Variants in TELO2 observed in about 807,000 individuals in gnomAD.
The protein encoded by TELO2 is telomere length regulation protein TEL2 homolog.
In TELO2, 71 loss-of-function variants were observed where a neutral mutation model predicts 91.0. The ratio of observed to expected loss-of-function variants is 0.78; its 90% CI spans 0.64 to 0.95. TELO2 has a LOEUF of 0.95. TELO2 is among the 40% of genes least tolerant of loss of function. TELO2 has a pLI of 0.00. For missense variants in TELO2, 1,183 were observed against 1,141.3 expected, an observed-to-expected ratio of 1.04 and a Z score of -0.53; for synonymous variants, 584 against 518.9, an observed-to-expected ratio of 1.13 and a Z score of -1.71.
chr16:1,503,363 C>T (rs537683364), intron 15 of TELO2, among the ~76,000 whole-genome samples: 4 of 152,066 alleles, frequency 2.6e-5, no homozygotes, highest in East Asian at 1.9e-4. Flanking sequence ...CCCAGGAGTT[C>T]GAGACCCGCT....
At position 1,495,332 on chromosome 16, in the gene TELO2, G is replaced by A. The variant is rs773174073; in HGVS notation, c.336-14G>A. 2.0e-5 allele frequency: 31 copies of A among 1,531,622 alleles called. No individual in the cohort carries two copies. Among genetic ancestry groups the A allele is most frequent in the African/African-American group, 2.7e-5 (2 of 72,924 alleles). The allele number at this position is 1,531,622 out of a possible 1,614,324, so 94.9% of individuals were successfully genotyped here. On this transcript the variant is annotated splice_polypyrimidine_tract_variant and intron_variant, in intron 2 of 20. Coordinates refer to ENST00000262319, the MANE Select transcript of TELO2 (RefSeq NM_016111.4). Reference sequence around the variant, plus strand: ...GGGGGTTGGCGGCTCTGCCCAACACGCCCGTATCTTCAGCCCCAGCTTCCG... The same window carrying A: ...GGGGGTTGGCGGCTCTGCCCAACACACCCGTATCTTCAGCCCCAGCTTCCG...
intron 15 of TELO2, among the ~76,000 whole-genome samples, chr16:1,504,272 A>C (rs2039805315): frequency 6.6e-6 from 1 of 151,552 alleles, no homozygotes; most frequent in Non-Finnish European, 1.5e-5. Flanking sequence ...GTTTCTACTA[A>C]AAACACAAAA....
At position 1,507,714 on chromosome 16, in the gene TELO2, C is replaced by T. The variant is rs765620817; in HGVS notation, c.2405C>T (p.Ala802Val). The T allele has an allele frequency of 6.2e-6, 10 of 1,601,126 alleles. No homozygotes were observed. Among genetic ancestry groups the T allele is most frequent in the African/African-American group, 1.3e-5 (1 of 74,878 alleles). ...DELLEARSWL[A>V]DVAEKDPDED... ...CTGCTGGAAGCCCGGTCCTGGCTGG[C>T]GGGTGAGTGTCGGCCTGCGGTGTGT... The change falls in exon 20 of 21, where the codon GCG becomes GTG. Residue 802 changes from alanine (A) to valine (V), a missense_variant and splice_region_variant. Physicochemically the swap from Ala to Val is moderately conservative, Grantham distance 64. Coordinates refer to ENST00000262319, the MANE Select transcript of TELO2 (RefSeq NM_016111.4).
Position 1,494,744 on chromosome 16 carries a change from A to G in TELO2, c.335+128A>G. ...AGAGAGAGAGCCTGCTCCTGGCTGA[A>G]CCCCTGAACAGAAGAAGCGGTCTGT... On this transcript the variant is annotated intron_variant, in intron 2 of 20. Coordinates refer to ENST00000262319, the MANE Select transcript of TELO2 (RefSeq NM_016111.4). The surrounding 1 kb of genome is among the most constrained non-coding windows in gnomAD (Gnocchi z 5.6). 9.7e-7 allele frequency: 1 copy of G among 1,033,262 alleles called. No homozygotes were observed. The highest frequency in any genetic ancestry group is 1.4e-6 in the Non-Finnish European group (1 of 730,944). The allele number at this position is 1,033,262 out of a possible 1,614,324, so 64.0% of individuals were successfully genotyped here. A position where few individuals can be genotyped will look rare whatever the true frequency, so the allele number is the denominator to read the frequency against.
At chr16:1,500,074 C>T (rs2039620790) in intron 6 of TELO2, 22 bp from the exon 7 acceptor site, 1 of 1,603,698 alleles carries the variant, frequency 6.2e-7, no homozygotes. Context: ...GCCCAGTGGA[C>T]AGGCATGTGC....
chr16:1,495,381 T>C lies in TELO2; in HGVS notation c.371T>C (p.Leu124Pro). 3 of 1,568,200 alleles carry C rather than the reference T, an allele frequency of 1.9e-6. No individual in the cohort carries two copies. Among genetic ancestry groups the C allele is most frequent in the Non-Finnish European group, 1.7e-6 (2 of 1,157,210 alleles). The change falls in exon 3 of 21, where the codon CTG becomes CCG. Residue 124 changes from leucine (L) to proline (P), a missense_variant. Leu to Pro is a moderately conservative substitution (Grantham distance 98). Transcript: ENST00000262319. The stretch of plus-strand genomic sequence containing the variant: ...CGGCTGATGAAGATGGCGCGGCTGC[T>C]GGCCAGATTCCTGCGCGAGGGCCGG... Reference protein sequence around the residue: ...SFRLMKMARLLARFLREGRLA... With the variant: ...SFRLMKMARLPARFLREGRLA...
In TELO2 at chr16:1,502,691, C is replaced by T. The variant is rs765939101; in HGVS notation, c.1700C>T (p.Thr567Ile). 1.8e-5 allele frequency: 29 copies of T among 1,612,832 alleles called. No homozygotes were observed. The East Asian group carries it at 6.0e-4, about 33-fold the overall frequency. Residue 567 changes from threonine to isoleucine, a missense_variant, in exon 14 of 21, where the codon ACC becomes ATC. Physicochemically the swap from Thr to Ile is moderately conservative, Grantham distance 89 (BLOSUM62 -1). Coordinates refer to ENST00000262319, the MANE Select transcript of TELO2 (RefSeq NM_016111.4). ...AKVLLHLEEK[T>I]CVVGFAGLRQ... ...GTGCTTCTGCATCTGGAGGAGAAGA[C>T]CTGTGTGGTGGGATTTGCAGGGCTG... is the stretch of plus-strand genomic sequence containing the variant.
At chr16:1,495,644 C>A (rs767796137) in intron 3 of TELO2, 21 bp downstream of exon 3, 2 of 1,562,602 alleles carry the variant, frequency 1.3e-6, no homozygotes, top group Middle Eastern at 1.9e-4. Context: ...GCCTCGGGGA[C>A]CCCCTTTGCC....
rs775091661 is a variant in TELO2 at position 1,495,452 on chromosome 16, G to A, written c.442G>A (p.Gly148Ser). The part of the protein sequence containing the change: ...EAQCRQQTQP[G>S]FILLRETLLG... ...GCAGTGTCGGCAGCAGACGCAGCCC[G>A]GCTTCATCCTGCTCCGGGAGACGCT... The change falls in exon 3 of 21, where the codon GGC becomes AGC. Residue 148 changes from glycine to serine, a missense_variant. Transcript: ENST00000262319. 5.0e-6 allele frequency: 8 copies of A among 1,607,616 alleles called. No homozygotes were observed. Among genetic ancestry groups the A allele is most frequent in the East Asian group, 2.2e-5 (1 of 44,606 alleles).
At chr16:1,498,430 G>A (rs1311793546) in intron 5 of TELO2, among the ~76,000 whole-genome samples, 1 of 152,014 alleles carries the variant, frequency 6.6e-6, no homozygotes, top group Non-Finnish European at 1.5e-5. Flanking sequence ...TTGTTTTGGT[G>A]TTGTTGTTGG....
rs199557070 is a variant in TELO2, at chr16:1,502,666, G to A, written c.1675G>A (p.Val559Met). The A allele has an allele frequency of 1.2e-5, 20 of 1,612,180 alleles. No individual in the cohort carries two copies. Among genetic ancestry groups the A allele is most frequent in the Non-Finnish European group, 1.6e-5 (19 of 1,179,872 alleles). The stretch of plus-strand genomic sequence containing the variant: ...GCAGGTGAGCGTGGAGCTGGCCAAG[G>A]TGCTTCTGCATCTGGAGGAGAAGAC... ...TREVSVELAK[V>M]LLHLEEKTCV... Residue 559 changes from valine to methionine, a missense_variant, in exon 14 of 21, where the codon GTG becomes ATG. Val to Met is a conservative substitution (Grantham distance 21). Transcript: ENST00000262319.
chr16:1,504,548 GGTC>G (rs200713957), intron 15 of TELO2, among the ~76,000 whole-genome samples: 1 of 145,606 alleles, frequency 6.9e-6, no homozygotes, highest in African/African-American at 2.6e-5. Flanking sequence ...CACCGTAACT[GGTC>G]TTTTTTTTTT....
rs1411939002 is a variant in TELO2, at chr16:1,494,178, C to G, written c.-36-68C>G. The stretch of plus-strand genomic sequence containing the variant: ...GGGTGTGGGGTCTCGGGGCGCTCAC[C>G]GAGGGGCTTCCTGAGCTTGTGTGGA... On this transcript the variant is annotated intron_variant, in intron 1 of 20. Coordinates refer to ENST00000262319, the MANE Select transcript of TELO2 (RefSeq NM_016111.4). This position sits in a 1 kb window ranked among gnomAD's most constrained non-coding sequence, Gnocchi z 5.6. The G allele has an allele frequency of 2.1e-5, 24 of 1,161,578 alleles. No homozygotes were observed. The highest frequency in any genetic ancestry group is 2.8e-5 in the Non-Finnish European group (23 of 822,648). The allele number at this position is 1,161,578 out of a possible 1,614,324, so 72.0% of individuals were successfully genotyped here. A position where few individuals can be genotyped will look rare whatever the true frequency, so the allele number is the denominator to read the frequency against.
In TELO2 at chr16:1,504,588, C is replaced by T. The variant is rs192055565; in HGVS notation, c.1843-822C>T. 6.2e-3 allele frequency among the ~76,000 whole-genome samples: 663 copies of T among 106,860 alleles called. 14 individuals carry two copies. The highest frequency in any genetic ancestry group is 0.023 in the African/African-American group (621 of 26,574). 70.1% of individuals were successfully genotyped at this position (106,860 alleles called of 152,430 possible). On this transcript the variant is annotated intron_variant, in intron 15 of 20. Coordinates refer to ENST00000262319, the MANE Select transcript of TELO2 (RefSeq NM_016111.4). Reference sequence around the variant, plus strand: ...TTTTTTTTTTTTTGAGACAGAGTCTCGCTCTGTCGCCCAGGCTGGAGTGCA... The same window carrying T: ...TTTTTTTTTTTTTGAGACAGAGTCTTGCTCTGTCGCCCAGGCTGGAGTGCA...
chr16:1,497,198 C>T lies in TELO2; in HGVS notation c.682+94C>T, dbSNP rs924939949. Reference sequence around the variant, plus strand: ...GCCGAGAATCCCTCCTGACCCTGGCCCTCTGCAGGGTCCCCTTGCCCGGTC... The same window carrying T: ...GCCGAGAATCCCTCCTGACCCTGGCTCTCTGCAGGGTCCCCTTGCCCGGTC... On this transcript the variant is annotated intron_variant, in intron 4 of 20. Coordinates refer to ENST00000262319, the MANE Select transcript of TELO2 (RefSeq NM_016111.4). The surrounding 1 kb of genome is among the most constrained non-coding windows in gnomAD (Gnocchi z 4.0). 1.3e-6 allele frequency: 2 copies of T among 1,546,166 alleles called. No individual in the cohort carries two copies. Among genetic ancestry groups the T allele is most frequent in the South Asian group, 1.2e-5 (1 of 86,254 alleles).
rs1162830111 is a variant in TELO2, at chr16:1,497,645, GGTGCCCTCTCA to G, written c.830+140_830+150del. 4.6e-5 allele frequency: 57 copies of G among 1,249,546 alleles called. No homozygotes were observed. The highest frequency in any genetic ancestry group is 5.4e-5 in the Non-Finnish European group (50 of 931,236). The allele number at this position is 1,249,546 out of a possible 1,614,324, so 77.4% of individuals were successfully genotyped here. On this transcript the variant is annotated intron_variant, in intron 5 of 20. Coordinates refer to ENST00000262319, the MANE Select transcript of TELO2 (RefSeq NM_016111.4). The surrounding 1 kb of genome is among the most constrained non-coding windows in gnomAD (Gnocchi z 4.0). Reference sequence around the variant, plus strand: ...CATGTAGGTGCCACAGGGTGTGGGTGGTGCCCTCTCAGTTCCCGCACGTGCTGATGGTGACC... The same window carrying G: ...CATGTAGGTGCCACAGGGTGTGGGTGGTTCCCGCACGTGCTGATGGTGACC...
Position 1,495,437 on chromosome 16 carries a change from C to T in TELO2, c.427C>T (p.Gln143Ter), listed in dbSNP as rs754383791. Reference protein sequence around the residue: ...LAVLMEAQCRQQTQPGFILLR... With the variant: ...LAVLMEAQCR ...AGTGCTGATGGAGGCGCAGTGTCGG[C>T]AGCAGACGCAGCCCGGCTTCATCCT... The change falls in exon 3 of 21, where the codon CAG (glutamine) becomes TAG (stop). Residue 143 changes from glutamine to a stop codon, truncating the protein, a stop_gained. Transcript: ENST00000262319. LOFTEE classifies it high-confidence loss of function. 1 of 1,601,728 alleles carries T rather than the reference C, an allele frequency of 6.2e-7. No homozygotes were observed. Among genetic ancestry groups the T allele is most frequent in the Non-Finnish European group, 8.5e-7 (1 of 1,175,486 alleles).
intron 20 of TELO2, among the ~76,000 whole-genome samples, 199 bp from the exon 21 acceptor site, chr16:1,509,631 T>C (rs2040055890): frequency 6.6e-6 from 1 of 152,162 alleles, no homozygotes; most frequent in African/African-American, 2.4e-5. Flanking sequence ...CAGCCCTCCA[T>C]GTACAGTGCT....
Position 1,501,492 on chromosome 16 carries a change from G to C in TELO2, c.1354G>C (p.Glu452Gln). ...SPQPAGDGAS[E>Q]AGTSLVPATA... ...CCAGCCTGCGGGTGACGGCGCCTCGGAGGCGGGGTGAGGGTCTCTGCCCCC... is the reference window on the plus strand; with the variant it reads ...CCAGCCTGCGGGTGACGGCGCCTCGCAGGCGGGGTGAGGGTCTCTGCCCCC... The change falls in exon 10 of 21, where the codon GAG (glutamate) becomes CAG (glutamine). Residue 452 changes from glutamate to glutamine, a missense_variant. By Grantham distance (29) the Glu-to-Gln change is conservative (BLOSUM62 2). Transcript: ENST00000262319. 1 of 1,608,460 alleles carries C rather than the reference G, an allele frequency of 6.2e-7. No homozygotes were observed. Among genetic ancestry groups the C allele is most frequent in the Non-Finnish European group, 8.5e-7 (1 of 1,177,482 alleles).
Sources: gnomAD v4.1 joint callset for allele counts (sites outside exome capture counted in the v4.1 genomes callset) on GRCh38, gnomAD v4.1.1 for gene constraint, Gnocchi (gnomAD v3.1) non-coding constraint, MANE v1.5 for transcripts, NCBI Gene and HGNC (gene_info 2026-07-23, HGNC 2026-07-21) for gene names.